Variants in RUNX2 observed in about 807,000 individuals in gnomAD.
RUNX2 encodes runt-related transcription factor 2.
RUNX2 carries 10 observed loss-of-function variants against 51.7 expected under a neutral mutation model. That is an observed-to-expected ratio of 0.19 (90% CI 0.12 to 0.33). The LOEUF (loss-of-function observed/expected upper bound fraction) is 0.33, where lower values mean the gene tolerates loss of function less well. Among genes scored for constraint, RUNX2 ranks in the 10% least tolerant of loss-of-function variants. RUNX2 has a pLI of 1.00. For synonymous variants in RUNX2, 276 were observed against 273.6 expected (o/e 1.01, Z -0.09); for missense variants, 562 against 691.3 (o/e 0.81, Z 2.10).
At chr6:45,453,202 T>C (rs1270067449) in intron 5 of RUNX2, among the ~76,000 whole-genome samples, 1 of 152,158 alleles carries the variant, frequency 6.6e-6, no homozygotes, top group African/African-American at 2.4e-5. Flanking sequence ...CTAAAGGGGA[T>C]TAGTGGCCCT....
intron 2 of RUNX2, among the ~76,000 whole-genome samples, chr6:45,338,585 G>T: frequency 6.6e-6 from 1 of 152,118 alleles, no homozygotes; most frequent in Non-Finnish European, 1.5e-5. Flanking sequence ...TGCTGAACTG[G>T]AATTTAGGAA....
chr6:45,513,221 A>G (rs1384357739), intron 7 of RUNX2, among the ~76,000 whole-genome samples: 1 of 147,694 alleles, frequency 6.8e-6, no homozygotes, highest in Non-Finnish European at 1.5e-5. Context: ...TCCCATGAAT[A>G]AGAAAAGAAA....
intron 2 of RUNX2, among the ~76,000 whole-genome samples, chr6:45,411,109 T>C (rs2150356687): frequency 6.6e-6 from 1 of 152,330 alleles, no homozygotes; most frequent in South Asian, 2.1e-4. Flanking sequence ...TTTCTTTCAA[T>C]GGCTCCAAAT....
At chr6:45,398,919 CT>C (rs1797637895) in intron 2 of RUNX2, among the ~76,000 whole-genome samples, 1 of 152,106 alleles carries the variant, frequency 6.6e-6, no homozygotes, top group Non-Finnish European at 1.5e-5. Context: ...AATGAAAAGC[CT>C]ATATTTAATA....
intron 2 of RUNX2, among the ~76,000 whole-genome samples, chr6:45,367,817 C>A (rs1309178147): frequency 6.6e-6 from 1 of 152,162 alleles, no homozygotes; most frequent in African/African-American, 2.4e-5. Flanking sequence ...TTTATTATAA[C>A]CATGATCATC....
At chr6:45,356,995 AG>A (rs1156934504) in intron 2 of RUNX2, among the ~76,000 whole-genome samples, 1 of 152,114 alleles carries the variant, frequency 6.6e-6, no homozygotes, top group Non-Finnish European at 1.5e-5. Context: ...ATATATTTTT[AG>A]TAATGAAGAA....
intron 5 of RUNX2, among the ~76,000 whole-genome samples, chr6:45,480,649 G>A (rs1563104880): frequency 6.6e-6 from 1 of 152,208 alleles, no homozygotes; most frequent in African/African-American, 2.4e-5. Flanking sequence ...GCAGAGAATT[G>A]CAGAGCAGCA....
At chr6:45,355,347 AAAAT>A (rs1196739182) in intron 2 of RUNX2, among the ~76,000 whole-genome samples, 2 of 152,062 alleles carry the variant, frequency 1.3e-5, no homozygotes, top group Non-Finnish European at 2.9e-5. Context: ...TCCTTTTCAG[AAAAT>A]AATATAAACT....
At chr6:45,539,796 G>A (rs964009384) in intron 7 of RUNX2, among the ~76,000 whole-genome samples, 1 of 152,170 alleles carries the variant, frequency 6.6e-6, no homozygotes, top group African/African-American at 2.4e-5. Flanking sequence ...CTATAAGGTA[G>A]GATCTGGAAG....
At chr6:45,376,798 CAG>C (rs1304734946) in intron 2 of RUNX2, among the ~76,000 whole-genome samples, 1 of 152,166 alleles carries the variant, frequency 6.6e-6, no homozygotes, top group African/African-American at 2.4e-5. Flanking sequence ...ATTCCTCTTC[CAG>C]AGTCTGCCCT....
chr6:45,357,262 C>T (rs1373143551), intron 2 of RUNX2, among the ~76,000 whole-genome samples: 1 of 152,156 alleles, frequency 6.6e-6, no homozygotes, highest in African/African-American at 2.4e-5. Flanking sequence ...CCACCTCGGC[C>T]TCCCAAAGTG....
chr6:45,524,398 T>C (rs1347195841), intron 7 of RUNX2, among the ~76,000 whole-genome samples: 4 of 152,194 alleles, frequency 2.6e-5, no homozygotes, highest in Admixed American at 2.0e-4. Flanking sequence ...CCCATAACTA[T>C]GCAGCGAAGC....
intron 2 of RUNX2, among the ~76,000 whole-genome samples, chr6:45,346,211 T>G (rs1025648842): frequency 6.7e-6 from 1 of 150,058 alleles, no homozygotes; most frequent in African/African-American, 2.5e-5. Context: ...CTCACTCTAC[T>G]TATGTATATA....
At position 45,547,688 on chromosome 6, in the gene RUNX2, C is replaced by A. The variant is rs1045438545; in HGVS notation, c.*383C>A. ...AGGAGGGAGAAGAGCAAAGCCGCTT[C>A]CTCTCTGTGCTTTGAAACTTCACAC... On this transcript the variant is annotated 3_prime_UTR_variant, in exon 9 of 9. Coordinates refer to ENST00000647337, the MANE Select transcript of RUNX2 (RefSeq NM_001024630.4). 6.5e-6 allele frequency: 2 copies of A among 307,430 alleles called. No individual in the cohort carries two copies. Among genetic ancestry groups the A allele is most frequent in the African/African-American group, 4.4e-5 (2 of 45,542 alleles). 19.0% of individuals were successfully genotyped at this position (307,430 alleles called of 1,614,324 possible). A position where few individuals can be genotyped will look rare whatever the true frequency, so the allele number is the denominator to read the frequency against.
intron 5 of RUNX2, among the ~76,000 whole-genome samples, chr6:45,485,716 T>TATATATATATAC (rs1554394671): frequency 0.057 from 7,080 of 124,786 alleles, 335 homozygotes; most frequent in South Asian, 0.091. Context: ...TATATATATA[T>TATATATATATAC]ACACATATTT....
intron 5 of RUNX2, among the ~76,000 whole-genome samples, chr6:45,446,537 C>T (rs780766985): frequency 1.4e-5 from 2 of 144,614 alleles, no homozygotes. Context: ...ACCTTTCGTT[C>T]TCAAGAAAGA....
chr6:45,352,909 T>A (rs1185382212), intron 2 of RUNX2, among the ~76,000 whole-genome samples: 1 of 152,102 alleles, frequency 6.6e-6, no homozygotes, highest in Admixed American at 6.5e-5. Flanking sequence ...ATGACTACCA[T>A]TCAAAATTAA....
intron 2 of RUNX2, among the ~76,000 whole-genome samples, chr6:45,409,708 A>G (rs1167539059): frequency 1.3e-5 from 2 of 152,194 alleles, no homozygotes; most frequent in African/African-American, 4.8e-5. Flanking sequence ...AAAATTTCCT[A>G]TTTTAAAAGG....
intron 2 of RUNX2, among the ~76,000 whole-genome samples, chr6:45,383,876 A>G (rs1458279771): frequency 6.6e-6 from 1 of 152,250 alleles, no homozygotes; most frequent in African/African-American, 2.4e-5. Context: ...AGGTGGATGC[A>G]ACAAACCTAT....
Sources: gnomAD v4.1 joint callset for allele counts (sites outside exome capture counted in the v4.1 genomes callset) on GRCh38, gnomAD v4.1.1 for gene constraint, MANE v1.5 for transcripts, NCBI Gene and HGNC (gene_info 2026-07-23, HGNC 2026-07-21) for gene names.